Variants in SH3D19 observed in about 807,000 individuals in gnomAD.
SH3D19 encodes the protein SH3 domain-containing protein 19.
SH3D19 carries 58 observed loss-of-function variants against 112.1 expected under a neutral mutation model. The ratio of observed to expected loss-of-function variants is 0.52; its 90% CI spans 0.42 to 0.64. The LOEUF is 0.64. Among genes scored for constraint, SH3D19 ranks in the 30% least tolerant of loss-of-function variants. The pLI is 0.00. For missense variants in SH3D19, 1,090 were observed against 1,263.4 expected, an observed-to-expected ratio of 0.86 and a Z score of 2.08; for synonymous variants, 391 against 448.5, an observed-to-expected ratio of 0.87 and a Z score of 1.62.
At chr4:151,148,286 CACAG>C (rs1319987343) in intron 10 of SH3D19, 100 bp from the exon 11 acceptor site, 3 of 825,780 alleles carry the variant, frequency 3.6e-6, no homozygotes, top group Middle Eastern at 3.7e-4. Context: ...CACACACACA[CACAG>C]AGACACAGCT....
chr4:151,140,868 C>T (rs1752864306), intron 12 of SH3D19: 1 of 152,244 alleles, frequency 6.6e-6, no homozygotes, highest in South Asian at 2.1e-4. Flanking sequence ...TTCTCCATTT[C>T]AACCCTGCAG....
chr4:151,160,433 C>T (rs1756955846), intron 8 of SH3D19, among the ~76,000 whole-genome samples: 1 of 152,116 alleles, frequency 6.6e-6, no homozygotes, highest in Non-Finnish European at 1.5e-5. Context: ...ACATAATTGC[C>T]CTCAATTAAA....
At chr4:151,324,681 G>C (rs1234476993) in intron 1 of SH3D19, among the ~76,000 whole-genome samples, 1 of 150,222 alleles carries the variant, frequency 6.7e-6, no homozygotes, top group Non-Finnish European at 1.5e-5. Context: ...TGGCCTTTTG[G>C]AATGCTATAT....
chr4:151,141,175 T>C (rs1026558868), intron 12 of SH3D19: 4 of 152,194 alleles, frequency 2.6e-5, no homozygotes, highest in African/African-American at 9.7e-5. Context: ...ACCTAGGCTG[T>C]GGTGTAGTGG....
At chr4:151,127,445 C>G (rs1446940612) in intron 19 of SH3D19, among the ~76,000 whole-genome samples, 173 bp downstream of exon 19, 1 of 152,224 alleles carries the variant, frequency 6.6e-6, no homozygotes, top group African/African-American at 2.4e-5. Flanking sequence ...TGTAAATTAA[C>G]AGGCCTATTT....
intron 1 of SH3D19, among the ~76,000 whole-genome samples, chr4:151,235,785 C>CA (rs1220172989): frequency 1.3e-5 from 2 of 151,624 alleles, no homozygotes; most frequent in East Asian, 1.9e-4. Flanking sequence ...GACTCTGTCT[C>CA]AAAAAAAAAT....
At chr4:151,222,446 C>T (rs1034074372) in intron 2 of SH3D19, among the ~76,000 whole-genome samples, 1 of 152,082 alleles carries the variant, frequency 6.6e-6, no homozygotes, top group African/African-American at 2.4e-5. Context: ...TACATTAATA[C>T]TTTGGCATAT....
At chr4:151,140,128 GTTTA>G in intron 12 of SH3D19, 1 of 341,786 alleles carries the variant, frequency 2.9e-6, no homozygotes, top group South Asian at 4.5e-5. Flanking sequence ...AAAGGGAACT[GTTTA>G]TTTATTTTGA....
At chr4:151,183,607 T>C (rs1761286231) in intron 3 of SH3D19, among the ~76,000 whole-genome samples, 1 of 152,190 alleles carries the variant, frequency 6.6e-6, no homozygotes, top group African/African-American at 2.4e-5. Context: ...AGTCTTGATC[T>C]AAATAATTCA....
At chr4:151,239,617 A>C (rs1355238182) in intron 1 of SH3D19, among the ~76,000 whole-genome samples, 1 of 152,244 alleles carries the variant, frequency 6.6e-6, no homozygotes, top group Non-Finnish European at 1.5e-5. Context: ...ACGACGAAGC[A>C]TAGGAAGCTA....
chr4:151,132,340 T>G lies in SH3D19; in HGVS notation c.2733A>C (p.Ser911=), dbSNP rs892376188. 4 of 1,613,976 alleles carry G rather than the reference T, an allele frequency of 2.5e-6. No individual in the cohort carries two copies. In the African/African-American group the frequency reaches 4.0e-5, roughly 16 times the overall value. The change falls in exon 17 of 20, where the codon TCA becomes TCC. Residue 911 remains serine, a synonymous_variant. Coordinates refer to ENST00000604030, the MANE Select transcript of SH3D19 (RefSeq NM_001378122.1). ...PLKTKKEDSG[S]NSQVNSLPAE... ...TGTTCAAGCAGCCTACCTGAGAGTT[T>G]GAGCCAGAATCTTCTTTTTTGGTTT...
chr4:151,216,406 T>C (rs181645346), intron 2 of SH3D19, among the ~76,000 whole-genome samples: 98 of 152,322 alleles, frequency 6.4e-4, no homozygotes, highest in African/African-American at 2.3e-3. Context: ...AACCTAAGGA[T>C]AGATTGAGGG....
At chr4:151,227,601 G>A (rs1168996317) in intron 1 of SH3D19, among the ~76,000 whole-genome samples, 1 of 152,146 alleles carries the variant, frequency 6.6e-6, no homozygotes, top group African/African-American at 2.4e-5. Flanking sequence ...AGATTTTAAA[G>A]TCATAGTAAC....
chr4:151,180,672 C>T lies in SH3D19; in HGVS notation c.194-1275G>A, dbSNP rs1242817587. Reference sequence around the variant, plus strand: ...CCACCCGCCTTGGCCTCCCAAAGTGCTGGCTTTACAGGTGTGAGCCACTGC... The same window carrying T: ...CCACCCGCCTTGGCCTCCCAAAGTGTTGGCTTTACAGGTGTGAGCCACTGC... On this transcript the variant is annotated intron_variant, in intron 3 of 19. Transcript: ENST00000604030. Among the ~76,000 whole-genome samples, 4 of 151,690 alleles carry T rather than the reference C, an allele frequency of 2.6e-5. No homozygotes were observed. In the South Asian group the frequency reaches 6.2e-4, roughly 24 times the overall value.
intron 1 of SH3D19, chr4:151,277,369 C>A: frequency 4.1e-6 from 2 of 486,590 alleles, no homozygotes; most frequent in Non-Finnish European, 6.6e-6. Flanking sequence ...TACTATATAC[C>A]CAGCACCATT....
chr4:151,312,400 T>A (rs1227753416), intron 1 of SH3D19, among the ~76,000 whole-genome samples: 1 of 152,178 alleles, frequency 6.6e-6, no homozygotes, highest in Non-Finnish European at 1.5e-5. Flanking sequence ...AAAATCCAGT[T>A]CCTCAGCAAC....
intron 1 of SH3D19, among the ~76,000 whole-genome samples, chr4:151,319,894 T>C (rs761694220): frequency 4.6e-5 from 7 of 152,202 alleles, no homozygotes; most frequent in Non-Finnish European, 7.4e-5. Flanking sequence ...ATATGAGCAG[T>C]CAGTGTGATC....
chr4:151,304,096 G>A (rs1728712986), intron 1 of SH3D19, among the ~76,000 whole-genome samples: 1 of 151,714 alleles, frequency 6.6e-6, no homozygotes, highest in South Asian at 2.1e-4. Context: ...GGGACTAGAG[G>A]CACATACTAC....
intron 19 of SH3D19, 85 bp downstream of exon 19, chr4:151,127,533 T>A (rs766667569): frequency 1.3e-6 from 1 of 747,904 alleles, no homozygotes; most frequent in Non-Finnish European, 2.1e-6. Context: ...TGATTAATAT[T>A]CCACCCAAAT....
Sources: gnomAD v4.1 joint callset for allele counts (sites outside exome capture counted in the v4.1 genomes callset) on GRCh38, gnomAD v4.1.1 for gene constraint, MANE v1.5 for transcripts, NCBI Gene and HGNC (gene_info 2026-07-23, HGNC 2026-07-21) for gene names.